The following FASN variants were observed in gnomAD, a reference collection of about 807,000 sequenced individuals.
FASN encodes 3-hydroxyacyl-[acyl-carrier-protein] dehydratase.
In FASN, 50 loss-of-function variants were observed where a neutral mutation model predicts 250.0. That is an observed-to-expected ratio of 0.20 (90% CI 0.16 to 0.25). FASN has a LOEUF of 0.25. Ranked by LOEUF, FASN falls within the 10% of genes least tolerant of loss-of-function variation. The probability of loss-of-function intolerance (pLI) is 1.00; values close to 1 mark genes in which losing one functional copy is unlikely to be tolerated. For missense variants in FASN, 3,031 were observed against 3,498.5 expected, an observed-to-expected ratio of 0.87 and a Z score of 3.37; for synonymous variants, 1,909 against 1,584.0, an observed-to-expected ratio of 1.21 and a Z score of -4.87.
intron 2 of FASN, among the ~76,000 whole-genome samples, 183 bp from the exon 3 acceptor site, chr17:82,095,655 G>C (rs2034291092): frequency 6.6e-6 from 1 of 152,224 alleles, no homozygotes; most frequent in South Asian, 2.1e-4. Context: ...AGCGGGGACT[G>C]GTACGACCAG....
At chr17:82,096,671 C>G (rs1315074792) in intron 1 of FASN, 2 of 644,320 alleles carry the variant, frequency 3.1e-6, no homozygotes, top group Non-Finnish European at 5.5e-6. Context: ...ACAGGCCCGC[C>G]TCTGGGCCCT....
rs1430081169 is a variant in FASN, at chr17:82,088,464, A to T, written c.2519T>A (p.Leu840Gln). ...CTCGGCGGCCGGCACGTCCCAGGCC[A>T]GGCTGTGGTCCCACTTGATGAGTGG... is the stretch of plus-strand genomic sequence containing the variant. ...ISPLIKWDHSLAWDVPAAEDF... is the reference protein window; with the variant it reads ...ISPLIKWDHSQAWDVPAAEDF... The change falls in exon 16 of 43, where the codon CTG (leucine) becomes CAG (glutamine). Residue 840 changes from leucine (L) to glutamine (Q), a missense_variant. Leu to Gln is a moderately radical substitution (Grantham distance 113). Coordinates refer to ENST00000306749, the MANE Select transcript of FASN (RefSeq NM_004104.5). 1 of 1,611,654 alleles carries T rather than the reference A, an allele frequency of 6.2e-7. No homozygotes were observed. The highest frequency in any genetic ancestry group is 8.5e-7 in the Non-Finnish European group (1 of 1,179,094).
In FASN at chr17:82,085,625, A is replaced by T; in HGVS notation, c.3979T>A (p.Ser1327Thr). The T allele has an allele frequency of 6.3e-7, 1 of 1,598,884 alleles. No homozygotes were observed. The highest frequency in any genetic ancestry group is 8.5e-7 in the Non-Finnish European group (1 of 1,173,596). ...CAVAALGDPA[S>T]ALSNMVAALR... The stretch of plus-strand genomic sequence containing the variant: ...GCAGCCACCATGTTGCTGAGAGCTG[A>T]GGCCGGGTCCCCGAGGGCAGCCACA... Residue 1327 changes from serine to threonine, a missense_variant, in exon 23 of 43, where the codon TCA (serine) becomes ACA (threonine). Physicochemically the swap from Ser to Thr is moderately conservative, Grantham distance 58. Coordinates refer to ENST00000306749, the MANE Select transcript of FASN (RefSeq NM_004104.5).
rs2034336980 is a variant in FASN at position 82,098,218 on chromosome 17, G to A, written c.-105C>T. 8.1e-6 allele frequency: 3 copies of A among 368,622 alleles called. No individual in the cohort carries two copies. The highest frequency in any genetic ancestry group is 3.9e-5 in the East Asian group (1 of 25,502). The allele number at this position is 368,622 out of a possible 1,614,324, so 22.8% of individuals were successfully genotyped here. ...CGCGGCGGAGAGGGAGGCCGGGGCC[G>A]CTGCCGTCTCTCTGGCTCCCTCTAG... On this transcript the variant is annotated 5_prime_UTR_variant, in exon 1 of 43. Transcript: ENST00000306749.
chr17:82,095,294 G>A (rs2034285051), intron 3 of FASN, 26 bp downstream of exon 3: 3 of 1,611,348 alleles, frequency 1.9e-6, no homozygotes, highest in South Asian at 1.1e-5. Context: ...AGCCCTCGGC[G>A]CAGCAGTCGC....
At chr17:82,081,110 G>C (rs2033979308) in intron 38 of FASN, 54 bp downstream of exon 38, 1 of 1,531,576 alleles carries the variant, frequency 6.5e-7, no homozygotes, top group Non-Finnish European at 8.8e-7. Flanking sequence ...ACAACAAGGA[G>C]GAAGGGCTGG....
At chr17:82,091,093 G>A (rs199907240) in intron 9 of FASN, 24 bp from the exon 10 acceptor site, 1,285 of 1,608,918 alleles carry the variant, frequency 8.0e-4, no homozygotes, top group Non-Finnish European at 1.0e-3. Flanking sequence ...CACGTCACGA[G>A]GCTCAGCCCC....
rs766878741 is a variant in FASN, at chr17:82,090,365, G to A, written c.1870+10C>T. 3.8e-6 allele frequency: 6 copies of A among 1,575,648 alleles called. No homozygotes were observed. The African/African-American group carries it at 4.0e-5, about 11-fold the overall frequency. On this transcript the variant is annotated intron_variant, in intron 11 of 42. Coordinates refer to ENST00000306749, the MANE Select transcript of FASN (RefSeq NM_004104.5). ...CTTGGAGGTGCTGGGGGCCCCTCCG[G>A]GAGACCTACCCACGGCTGCCATGGC...
In FASN at chr17:82,093,779, A is replaced by G. The variant is rs748801048; in HGVS notation, c.281-8T>C. The G allele has an allele frequency of 1.9e-6, 3 of 1,612,196 alleles. No homozygotes were observed. Among genetic ancestry groups the G allele is most frequent in the Admixed American group, 3.3e-5 (2 of 60,008 alleles). On this transcript the variant is annotated splice_polypyrimidine_tract_variant and splice_region_variant and intron_variant, in intron 3 of 42. Transcript: ENST00000306749. ...GTGAATCTGGGTTGATGCCTGCCAC[A>G]AACAGTGGTCAAGGTGCCACGGCCG...
intron 13 of FASN, 37 bp from the exon 14 acceptor site, chr17:82,089,209 C>A: frequency 6.2e-7 from 1 of 1,606,062 alleles, no homozygotes; most frequent in Non-Finnish European, 8.5e-7. Context: ...GGTTGTGGGT[C>A]CCCTGGCCCG....
chr17:82,091,529 G>A lies in FASN; in HGVS notation c.1185C>T (p.Phe395=), dbSNP rs770772130. 1.7e-5 allele frequency: 28 copies of A among 1,601,538 alleles called. No homozygotes were observed. Among genetic ancestry groups the A allele is most frequent in the South Asian group, 1.5e-4 (13 of 89,520 alleles). ...GGNVGINSFG[F]GGSNVHIILR... ...GGATGATGTGCACGTTGGAGCCCCC[G>A]AAGCCAAAGGAGTTGATGCCCACGT... Residue 395 remains phenylalanine (F), a synonymous_variant, in exon 9 of 43, where the codon TTC becomes TTT. Coordinates refer to ENST00000306749, the MANE Select transcript of FASN (RefSeq NM_004104.5).
intron 2 of FASN, among the ~76,000 whole-genome samples, chr17:82,095,699 A>G (rs978362057): frequency 1.3e-5 from 2 of 152,168 alleles, no homozygotes; most frequent in East Asian, 3.9e-4. Flanking sequence ...CCAAGCCCCA[A>G]TCCTGAGATG....
rs1284586010 is a variant in FASN, at chr17:82,089,347, T to G, written c.2003A>C (p.Glu668Ala). ...VFEFVEQLRKEGVFAKEVRTG... is the reference protein window; with the variant it reads ...VFEFVEQLRKAGVFAKEVRTG... ...CCGCACCTCCTTGGCAAACACACCCTCCTTCCTCAGCTGCTCCACGAACTC... is the reference window on the plus strand; with the variant it reads ...CCGCACCTCCTTGGCAAACACACCCGCCTTCCTCAGCTGCTCCACGAACTC... The change falls in exon 13 of 43, where the codon GAG (glutamate) becomes GCG (alanine). Residue 668 changes from glutamate to alanine, a missense_variant. By Grantham distance (107) the Glu-to-Ala change is moderately radical. Coordinates refer to ENST00000306749, the MANE Select transcript of FASN (RefSeq NM_004104.5). 6.2e-7 allele frequency: 1 copy of G among 1,612,760 alleles called. No individual in the cohort carries two copies. The highest frequency in any genetic ancestry group is 8.5e-7 in the Non-Finnish European group (1 of 1,179,980).
At chr17:82,086,093 T>G (rs1047135138) in intron 22 of FASN, among the ~76,000 whole-genome samples, 161 bp downstream of exon 22, 3 of 152,180 alleles carry the variant, frequency 2.0e-5, no homozygotes, top group Non-Finnish European at 4.4e-5. Flanking sequence ...ACGGTGGCTG[T>G]GTGGACCGCA....
rs2033983086 is a variant in FASN at position 82,081,323 on chromosome 17, C to G, written c.6436G>C (p.Asp2146His). 1 of 1,558,076 alleles carries G rather than the reference C, an allele frequency of 6.4e-7. No individual in the cohort carries two copies. Among genetic ancestry groups the G allele is most frequent in the Non-Finnish European group, 8.7e-7 (1 of 1,151,452 alleles). The change falls in exon 38 of 43, where the codon GAC (aspartate) becomes CAC (histidine). Residue 2146 changes from aspartate to histidine, a missense_variant. Asp to His is a moderately conservative substitution (Grantham distance 81). Transcript: ENST00000306749. The part of the protein sequence containing the change: ...GIRDLAAVNL[D>H]SSLADLGLDS... Reference sequence around the variant, plus strand: ...AGGCCCAGGTCCGCCAGTGAGCTGTCCAGGTTGACAGCAGCCAAGTCGCGG... The same window carrying G: ...AGGCCCAGGTCCGCCAGTGAGCTGTGCAGGTTGACAGCAGCCAAGTCGCGG...
At position 82,093,400 on chromosome 17, in the gene FASN, G is replaced by A. The variant is rs370854158; in HGVS notation, c.474C>T (p.Asp158=). The change falls in exon 5 of 43, where the codon GAC becomes GAT. Residue 158 remains aspartate, a synonymous_variant. Transcript: ENST00000306749. ...CCATCAGGCTGGAGGAGCAGGCTGT[G>A]TCCAGTGCGATGCTGGGCCCTGCAA... The part of the protein sequence containing the change: ...FDFRGPSIAL[D]TACSSSLMAL... 3.7e-6 allele frequency: 6 copies of A among 1,603,076 alleles called. No homozygotes were observed. The highest frequency in any genetic ancestry group is 1.7e-5 in the Admixed American group (1 of 58,640).
rs923490860 is a variant in FASN, at chr17:82,080,732, G to C, written c.6786C>G (p.Ser2262=). 6.2e-7 allele frequency: 1 copy of C among 1,602,550 alleles called. No individual in the cohort carries two copies. Reference sequence around the variant, plus strand: ...GGCCATAGGTGGGGATGCTGAGCCGGGAGGCCAGGCTGTGGAACACGGTGG... The same window carrying C: ...GGCCATAGGTGGGGATGCTGAGCCGCGAGGCCAGGCTGTGGAACACGGTGG... ...GSTTVFHSLA[S]RLSIPTYGLQ... Residue 2262 remains serine, a synonymous_variant, in exon 39 of 43, where the codon TCC becomes TCG. Coordinates refer to ENST00000306749, the MANE Select transcript of FASN (RefSeq NM_004104.5).
Position 82,080,777 on chromosome 17 carries a change from C to T in FASN, c.6741G>A (p.Val2247=). The T allele has an allele frequency of 6.2e-7, 1 of 1,604,350 alleles. No homozygotes were observed. Among genetic ancestry groups the T allele is most frequent in the East Asian group, 2.2e-5 (1 of 44,488 alleles). ...VQSSERPLFL[V]HPIEGSTTVF... ...CGGTGGTGGAGCCCTCGATTGGGTGCACCAGGAACAGGGGCCGCTCCGAGC... is the reference window on the plus strand; with the variant it reads ...CGGTGGTGGAGCCCTCGATTGGGTGTACCAGGAACAGGGGCCGCTCCGAGC... Residue 2247 remains valine, a synonymous_variant, in exon 39 of 43, where the codon GTG becomes GTA. Transcript: ENST00000306749.
At chr17:82,093,162 G>C (rs912065461) in intron 5 of FASN, 57 bp downstream of exon 5, 2 of 1,535,418 alleles carry the variant, frequency 1.3e-6, no homozygotes, top group South Asian at 1.2e-5. Context: ...GGGACTGTGC[G>C]GGGGGCCGTC....
Sources: allele counts gnomAD v4.1 joint callset (sites outside exome capture counted in the v4.1 genomes callset), GRCh38; gene constraint gnomAD v4.1.1; transcripts MANE v1.5; gene names NCBI Gene and HGNC (gene_info 2026-07-23, HGNC 2026-07-21).